The following DOCK2 variants were observed in gnomAD, a reference collection of about 807,000 sequenced individuals.
DOCK2 encodes dedicator of cytokinesis protein 2.
DOCK2 carries 87 observed loss-of-function variants against 248.9 expected under a neutral mutation model. The ratio of observed to expected loss-of-function variants is 0.35; its 90% CI spans 0.29 to 0.42. The LOEUF (loss-of-function observed/expected upper bound fraction) is 0.42. Ranked by LOEUF, DOCK2 falls within the 10% of genes least tolerant of loss-of-function variation. The pLI, the probability that DOCK2 is intolerant of heterozygous loss-of-function variation, is 1.00. For missense variants in DOCK2, 1,747 were observed against 2,300.2 expected (o/e 0.76, Z 4.92); for synonymous variants, 805 against 821.6 (o/e 0.98, Z 0.35).
chr5:170,039,234 C>T (rs1400920729), intron 36 of DOCK2, among the ~76,000 whole-genome samples: 1 of 152,196 alleles, frequency 6.6e-6, no homozygotes, highest in Non-Finnish European at 1.5e-5. Flanking sequence ...GCTCTCCCAA[C>T]TCATCCCCTT....
chr5:170,023,884 A>G (rs1370806725), intron 33 of DOCK2, among the ~76,000 whole-genome samples: 1 of 152,186 alleles, frequency 6.6e-6, no homozygotes, highest in African/African-American at 2.4e-5. Flanking sequence ...CAAATCTCAT[A>G]CTTCTACAGG....
intron 27 of DOCK2, among the ~76,000 whole-genome samples, chr5:169,937,414 T>C (rs977987313): frequency 2.0e-5 from 3 of 152,152 alleles, no homozygotes; most frequent in Admixed American, 2.0e-4. Context: ...AAGTGTAAAA[T>C]AGGGATGATA....
intron 33 of DOCK2, among the ~76,000 whole-genome samples, chr5:170,023,096 G>A (rs1003212580): frequency 1.3e-5 from 2 of 152,126 alleles, no homozygotes; most frequent in African/African-American, 4.8e-5. Context: ...GAGTCCTGGG[G>A]TATAGAGACC....
chr5:169,871,883 C>CA (rs1379063762), intron 27 of DOCK2, among the ~76,000 whole-genome samples: 1 of 152,056 alleles, frequency 6.6e-6, no homozygotes, highest in Non-Finnish European at 1.5e-5. Context: ...GCTGCATACC[C>CA]AAAAAAGGTG....
chr5:169,651,046 A>G (rs1352953181), intron 1 of DOCK2, among the ~76,000 whole-genome samples: 2 of 152,164 alleles, frequency 1.3e-5, no homozygotes, highest in Non-Finnish European at 2.9e-5. Flanking sequence ...CCCTTGTTCA[A>G]AAGTTGAGAG....
intron 23 of DOCK2, among the ~76,000 whole-genome samples, chr5:169,751,059 G>A (rs758040173): frequency 4.6e-5 from 7 of 152,130 alleles, no homozygotes; most frequent in Non-Finnish European, 1.0e-4. Context: ...GTAATTTAGG[G>A]GATTATTGAG....
intron 34 of DOCK2, among the ~76,000 whole-genome samples, chr5:170,028,151 G>T (rs1280187638): frequency 6.6e-6 from 1 of 152,196 alleles, no homozygotes. Context: ...GATAGAATGG[G>T]CCAGGTGAAA....
chr5:169,960,518 G>T (rs1006969863), intron 27 of DOCK2, among the ~76,000 whole-genome samples: 1 of 152,194 alleles, frequency 6.6e-6, no homozygotes, highest in Non-Finnish European at 1.5e-5. Context: ...GAAAATTATT[G>T]ATTAGAAAGA....
At chr5:170,067,259 A>G (rs1328322748) in intron 44 of DOCK2, among the ~76,000 whole-genome samples, 2 of 151,592 alleles carry the variant, frequency 1.3e-5, no homozygotes, top group Non-Finnish European at 2.9e-5. Context: ...GGGCACACTC[A>G]GCAGGTACCT....
At chr5:169,759,060 G>C (rs1764339838) in intron 23 of DOCK2, among the ~76,000 whole-genome samples, 1 of 152,168 alleles carries the variant, frequency 6.6e-6, no homozygotes, top group Middle Eastern at 3.2e-3. Flanking sequence ...CTATGCAGGG[G>C]GTGAGTGTGG....
chr5:170,047,005 G>C (rs528678748), intron 39 of DOCK2, among the ~76,000 whole-genome samples: 1 of 152,326 alleles, frequency 6.6e-6, no homozygotes, highest in South Asian at 2.1e-4. Context: ...GATTCAGACT[G>C]TTTCCAGAGA....
chr5:169,797,529 C>T (rs1470504630), intron 25 of DOCK2, among the ~76,000 whole-genome samples: 1 of 152,192 alleles, frequency 6.6e-6, no homozygotes, highest in Non-Finnish European at 1.5e-5. Flanking sequence ...GGACCCAGAA[C>T]CCAGAAATAC....
At chr5:170,022,601 G>T (rs926488076) in intron 33 of DOCK2, among the ~76,000 whole-genome samples, 20 of 152,252 alleles carry the variant, frequency 1.3e-4, no homozygotes, top group African/African-American at 4.8e-4. Flanking sequence ...GACAGTTTCA[G>T]CAAGAGGGCC....
At chr5:170,073,757 C>G (rs993427604) in intron 46 of DOCK2, among the ~76,000 whole-genome samples, 1 of 152,022 alleles carries the variant, frequency 6.6e-6, no homozygotes, top group Non-Finnish European at 1.5e-5. Context: ...ATACACTCAT[C>G]TTATGATCTT....
At chr5:169,917,771 G>A (rs974743188) in intron 27 of DOCK2, among the ~76,000 whole-genome samples, 1 of 152,156 alleles carries the variant, frequency 6.6e-6, no homozygotes, top group East Asian at 1.9e-4. Flanking sequence ...ATTTTTTCTG[G>A]CCCTACCACA....
At chr5:169,903,650 T>A (rs1246654205) in intron 27 of DOCK2, among the ~76,000 whole-genome samples, 1 of 152,086 alleles carries the variant, frequency 6.6e-6, no homozygotes, top group East Asian at 1.9e-4. Flanking sequence ...GGCTCTTTTG[T>A]GGAACTGATA....
intron 27 of DOCK2, among the ~76,000 whole-genome samples, chr5:169,982,522 A>G (rs1156391942): frequency 6.6e-6 from 1 of 152,100 alleles, no homozygotes; most frequent in Non-Finnish European, 1.5e-5. Context: ...CGCTTTCCCA[A>G]CTAGATCATG....
chr5:169,924,420 C>T (rs1422465578), intron 27 of DOCK2, among the ~76,000 whole-genome samples: 5 of 152,176 alleles, frequency 3.3e-5, no homozygotes, highest in Admixed American at 3.3e-4. Flanking sequence ...TTCCTCCAAC[C>T]ATCCTGTCAG....
chr5:169,960,674 A>G (rs761765695), intron 27 of DOCK2, among the ~76,000 whole-genome samples: 1 of 152,202 alleles, frequency 6.6e-6, no homozygotes, highest in Non-Finnish European at 1.5e-5. Context: ...TCGGGTCTCT[A>G]TATTGTTGTC....
Sources: gnomAD v4.1 joint callset for allele counts (sites outside exome capture counted in the v4.1 genomes callset) on GRCh38, gnomAD v4.1.1 for gene constraint, MANE v1.5 for transcripts, NCBI Gene and HGNC (gene_info 2026-07-23, HGNC 2026-07-21) for gene names.